STX17: variants seen among roughly 807,000 people sequenced by gnomAD.
The protein encoded by STX17 is syntaxin 17, also known as syntaxin-17.
Under a neutral mutation model 35.9 loss-of-function variants are expected in STX17, and 29 were observed. The ratio of observed to expected loss-of-function variants is 0.81; its 90% CI spans 0.60 to 1.10. STX17 has a LOEUF of 1.10. STX17 is among the 50% of genes least tolerant of loss of function. STX17 has a pLI of 0.00. For synonymous variants in STX17, 92 were observed against 118.3 expected (o/e 0.78, Z 1.44); for missense variants, 312 against 352.3 (o/e 0.89, Z 0.92).
chr9:99,916,426 T>C lies in STX17; in HGVS notation c.123+1064T>C, dbSNP rs539634581. 5.8e-3 allele frequency among the ~76,000 whole-genome samples: 789 copies of C among 136,802 alleles called. 5 individuals are homozygous for C. Among genetic ancestry groups the C allele is most frequent in the African/African-American group, 0.021 (763 of 36,638 alleles). 89.7% of individuals were successfully genotyped at this position (136,802 alleles called of 152,430 possible). A position where few individuals can be genotyped will look rare whatever the true frequency, so the allele number is the denominator to read the frequency against. ...TTATTTATTTATTTATTTATTTATT[T>C]ATTTATTCATTCATTCATTCATTCA... is the stretch of plus-strand genomic sequence containing the variant. On this transcript the variant is annotated intron_variant, in intron 2 of 7. Coordinates refer to ENST00000259400, the MANE Select transcript of STX17 (RefSeq NM_017919.3).
chr9:99,927,045 G>T (rs151162584), intron 2 of STX17, among the ~76,000 whole-genome samples: 55 of 152,210 alleles, frequency 3.6e-4, no homozygotes, highest in Non-Finnish European at 6.8e-4. Flanking sequence ...GGAGTCCTTT[G>T]TTGAAGACTC....
chr9:99,942,236 G>A lies in STX17; in HGVS notation c.190-8824G>A, dbSNP rs1448340069. Among the ~76,000 whole-genome samples the A allele has an allele frequency of 1.3e-5, 2 of 152,264 alleles. 1 individual carries two copies. Among genetic ancestry groups the A allele is most frequent in the South Asian group, 4.1e-4 (2 of 4,822 alleles). ...TATTCATGAGATTAATTTTTCATGT[G>A]TTTATGAGACATGCCCATTTAGAGT... On this transcript the variant is annotated intron_variant, in intron 3 of 7. Transcript: ENST00000259400.
At chr9:99,941,415 T>C (rs1236630650) in intron 3 of STX17, among the ~76,000 whole-genome samples, 2 of 152,268 alleles carry the variant, frequency 1.3e-5, no homozygotes, top group African/African-American at 4.8e-5. Context: ...CTAAGGTTAA[T>C]TGACCATACA....
chr9:99,968,732 T>C lies in STX17; in HGVS notation c.*59T>C. 6.4e-7 allele frequency: 1 copy of C among 1,570,176 alleles called. No homozygotes were observed. The highest frequency in any genetic ancestry group is 1.2e-5 in the South Asian group (1 of 81,786). ...TCTATCCTGAGGACCTTTGCTGCTG[T>C]TGGACACTCCGTCACCTTTTGGAAC... is the stretch of plus-strand genomic sequence containing the variant. On this transcript the variant is annotated 3_prime_UTR_variant, in exon 8 of 8. Transcript: ENST00000259400.
intron 3 of STX17, among the ~76,000 whole-genome samples, chr9:99,947,728 C>T (rs1393173832): frequency 6.6e-6 from 1 of 152,108 alleles, no homozygotes; most frequent in Admixed American, 6.6e-5. Flanking sequence ...TAGGGTGGAG[C>T]TCTGACGATC....
intron 2 of STX17, among the ~76,000 whole-genome samples, chr9:99,916,958 A>T (rs908118871): frequency 2.0e-5 from 3 of 152,166 alleles, no homozygotes; most frequent in African/African-American, 7.2e-5. Context: ...TGTACCACCC[A>T]ATCAGTCATC....
At chr9:99,917,846 GA>G (rs1376823029) in intron 2 of STX17, among the ~76,000 whole-genome samples, 3 of 152,198 alleles carry the variant, frequency 2.0e-5, no homozygotes, top group Non-Finnish European at 4.4e-5. Flanking sequence ...ACAAGAGGCA[GA>G]AAACTCAAAA....
intron 6 of STX17, among the ~76,000 whole-genome samples, chr9:99,961,270 A>T (rs564722669): frequency 6.6e-6 from 1 of 152,196 alleles, no homozygotes; most frequent in Non-Finnish European, 1.5e-5. Context: ...GGCCTAAGAG[A>T]GGAGGAGGTC....
chr9:99,946,139 C>G (rs1829477621), intron 3 of STX17, among the ~76,000 whole-genome samples: 1 of 152,066 alleles, frequency 6.6e-6, no homozygotes, highest in Non-Finnish European at 1.5e-5. Flanking sequence ...TGTACTGACT[C>G]TTTTGCTTGT....
At chr9:99,945,229 T>A (rs1305015599) in intron 3 of STX17, among the ~76,000 whole-genome samples, 1 of 152,220 alleles carries the variant, frequency 6.6e-6, no homozygotes, top group African/African-American at 2.4e-5. Flanking sequence ...GATTGTGGAT[T>A]TGTTTCAATT....
intron 3 of STX17, among the ~76,000 whole-genome samples, chr9:99,941,660 T>C (rs1323305677): frequency 2.0e-5 from 3 of 152,220 alleles, no homozygotes; most frequent in African/African-American, 4.8e-5. Context: ...TCTTGATTTA[T>C]ATGGTAAATA....
At chr9:99,931,729 G>A (rs1829129227) in intron 3 of STX17, among the ~76,000 whole-genome samples, 1 of 152,108 alleles carries the variant, frequency 6.6e-6, no homozygotes, top group South Asian at 2.1e-4. Context: ...CTCTTGGGTT[G>A]CTTGTCTGAT....
At chr9:99,955,328 A>G (rs998028534) in intron 4 of STX17, among the ~76,000 whole-genome samples, 1 of 152,064 alleles carries the variant, frequency 6.6e-6, no homozygotes, top group Non-Finnish European at 1.5e-5. Flanking sequence ...TTTATGAAAC[A>G]TGTAGATGGT....
intron 2 of STX17, among the ~76,000 whole-genome samples, chr9:99,918,473 G>C (rs760901671): frequency 7.9e-5 from 12 of 151,060 alleles, no homozygotes; most frequent in Admixed American, 7.2e-4. Flanking sequence ...TTTTCATTTC[G>C]TGGATGCTGT....
At chr9:99,968,248 G>C (rs1342258383) in intron 7 of STX17, among the ~76,000 whole-genome samples, 186 bp from the exon 8 acceptor site, 1 of 152,110 alleles carries the variant, frequency 6.6e-6, no homozygotes, top group African/African-American at 2.4e-5. Context: ...TCTAAGTTCT[G>C]AGATCTGGAG....
chr9:99,955,879 A>C (rs368568041), intron 4 of STX17, among the ~76,000 whole-genome samples: 4 of 152,118 alleles, frequency 2.6e-5, no homozygotes, highest in East Asian at 1.9e-4. Flanking sequence ...AGGCAGATCT[A>C]AAGTTCTTCA....
chr9:99,909,012 AC>A (rs1388323104), intron 1 of STX17, among the ~76,000 whole-genome samples: 1 of 152,164 alleles, frequency 6.6e-6, no homozygotes, highest in Non-Finnish European at 1.5e-5. Context: ...GAGAAATCTG[AC>A]TCTTGGCATT....
intron 3 of STX17, chr9:99,945,710 C>A: frequency 2.7e-6 from 1 of 375,410 alleles, no homozygotes; most frequent in South Asian, 2.0e-5. Context: ...CTAATTTTTT[C>A]CTTTCTAGTT....
At position 99,969,307 on chromosome 9, in the gene STX17, A is replaced by G. The variant is rs1262418152; in HGVS notation, c.*634A>G. On this transcript the variant is annotated 3_prime_UTR_variant, in exon 8 of 8. Coordinates refer to ENST00000259400, the MANE Select transcript of STX17 (RefSeq NM_017919.3). ...TCTTCCTCTGCCTCTCTTTAAATAA[A>G]TAACACAGAATTTCAAGTGGTAGGA... is the stretch of plus-strand genomic sequence containing the variant. The G allele has an allele frequency of 2.0e-5, 3 of 152,204 alleles. No individual in the cohort carries two copies. Among genetic ancestry groups the G allele is most frequent in the African/African-American group, 4.8e-5 (2 of 41,460 alleles). 9.4% of individuals were successfully genotyped at this position (152,204 alleles called of 1,614,324 possible). A position where few individuals can be genotyped will look rare whatever the true frequency, so the allele number is the denominator to read the frequency against.
Sources: allele counts gnomAD v4.1 joint callset (sites outside exome capture counted in the v4.1 genomes callset), GRCh38; gene constraint gnomAD v4.1.1; transcripts MANE v1.5; gene names NCBI Gene and HGNC (gene_info 2026-07-23, HGNC 2026-07-21).